TLCD4: variants seen among roughly 807,000 people sequenced by gnomAD.
The protein encoded by TLCD4 is TLC domain-containing protein 4.
Under a neutral mutation model 24.2 loss-of-function variants are expected in TLCD4, and 7 were observed. That is an observed-to-expected ratio of 0.29 (90% CI 0.16 to 0.54). The LOEUF (loss-of-function observed/expected upper bound fraction) is 0.54. Ranked by LOEUF, TLCD4 falls within the 20% of genes least tolerant of loss-of-function variation. The pLI is 0.95. For missense variants in TLCD4, 259 were observed against 313.9 expected, an observed-to-expected ratio of 0.82 and a Z score of 1.32; for synonymous variants, 103 against 106.4, an observed-to-expected ratio of 0.97 and a Z score of 0.20.
chr1:95,188,740 T>C (rs1178748827), intron 6 of TLCD4, among the ~76,000 whole-genome samples: 2 of 152,194 alleles, frequency 1.3e-5, no homozygotes, highest in Non-Finnish European at 2.9e-5. Flanking sequence ...TTTGAGCACT[T>C]TCTTGCTCTC....
At chr1:95,151,794 A>G (rs1255086973) in intron 5 of TLCD4, among the ~76,000 whole-genome samples, 3 of 152,174 alleles carry the variant, frequency 2.0e-5, no homozygotes, top group Non-Finnish European at 4.4e-5. Flanking sequence ...GTTTAATTCC[A>G]TGTGCAATTA....
rs181396102 is a variant in TLCD4 at position 95,169,997 on chromosome 1, A to G, written c.400-3819A>G. ...ATTTGATCTTATCTTTGGAAAAACT[A>G]TTTATTTGAAGGATACAGTAAGAAA... On this transcript the variant is annotated intron_variant, in intron 5 of 6. Transcript: ENST00000370203. Among the ~76,000 whole-genome samples, 71 of 152,348 alleles carry G rather than the reference A, an allele frequency of 4.7e-4. 1 individual carries two copies. The highest frequency in any genetic ancestry group is 5.8e-4 in the East Asian group (3 of 5,194).
intron 1 of TLCD4, among the ~76,000 whole-genome samples, chr1:95,139,023 A>C (rs1557681732): frequency 7.6e-6 from 1 of 131,408 alleles, no homozygotes; most frequent in East Asian, 2.2e-4. Context: ...CCCAGTCTCT[A>C]CAAAAAAAAA....
upstream of TLCD4, among the ~76,000 whole-genome samples, chr1:95,115,335 C>A (rs977734219): frequency 2.0e-5 from 3 of 152,002 alleles, no homozygotes; most frequent in Non-Finnish European, 4.4e-5. Flanking sequence ...CTCGAACTCT[C>A]AACCTCAGGT....
intron 1 of TLCD4, among the ~76,000 whole-genome samples, chr1:95,141,591 C>T (rs1677198534): frequency 6.6e-6 from 1 of 152,022 alleles, no homozygotes; most frequent in Non-Finnish European, 1.5e-5. Flanking sequence ...TCCTTACATC[C>T]CACTTAGCAA....
Position 95,194,178 on chromosome 1 carries a change from A to C in TLCD4, c.*2310A>C, listed in dbSNP as rs1312755888. The C allele has an allele frequency of 6.6e-6, 1 of 152,086 alleles. No homozygotes were observed. Among genetic ancestry groups the C allele is most frequent in the Admixed American group, 6.5e-5 (1 of 15,272 alleles). The allele number at this position is 152,086 out of a possible 1,614,324, so 9.4% of individuals were successfully genotyped here. A position where few individuals can be genotyped will look rare whatever the true frequency, so the allele number is the denominator to read the frequency against. Reference sequence around the variant, plus strand: ...TAAATAAGTATATTTAAAACATCAAAATTTTGAACTAAAGTTTGTGATTCT... The same window carrying C: ...TAAATAAGTATATTTAAAACATCAACATTTTGAACTAAAGTTTGTGATTCT... On this transcript the variant is annotated 3_prime_UTR_variant, in exon 7 of 7. Transcript: ENST00000370203.
intron 1 of TLCD4, among the ~76,000 whole-genome samples, chr1:95,137,004 T>C (rs1259167153): frequency 1.3e-5 from 2 of 151,852 alleles, no homozygotes; most frequent in African/African-American, 4.8e-5. Flanking sequence ...GGCTGGTACA[T>C]GGCGGGTGGT....
intron 5 of TLCD4, 37 bp downstream of exon 5, chr1:95,151,456 C>A: frequency 6.3e-7 from 1 of 1,597,402 alleles, no homozygotes; most frequent in South Asian, 1.1e-5. Flanking sequence ...AACTAGCAGA[C>A]AAGATTGGGA....
In TLCD4 at chr1:95,151,480, G is replaced by T. The variant is rs1677488951; in HGVS notation, c.399+61G>T. On this transcript the variant is annotated intron_variant, in intron 5 of 6. Transcript: ENST00000370203. Reference sequence around the variant, plus strand: ...ACAAGATTGGGAATAGTGATGTAAAGGTGAACATAAATCTAAACATACAAT... The same window carrying T: ...ACAAGATTGGGAATAGTGATGTAAATGTGAACATAAATCTAAACATACAAT... 2.6e-6 allele frequency: 4 copies of T among 1,559,026 alleles called. No individual in the cohort carries two copies. The South Asian group carries it at 4.7e-5, about 18-fold the overall frequency.
intron 1 of TLCD4, chr1:95,121,216 T>C (rs1332601434): frequency 6.6e-6 from 1 of 152,224 alleles, no homozygotes; most frequent in Non-Finnish European, 1.5e-5. Flanking sequence ...AGTAAGATTT[T>C]CGTCTGTACG....
At chr1:95,134,836 A>C (rs1215175468) in intron 1 of TLCD4, among the ~76,000 whole-genome samples, 1 of 152,196 alleles carries the variant, frequency 6.6e-6, no homozygotes, top group Non-Finnish European at 1.5e-5. Context: ...GTAGAAGCAG[A>C]GACTAGGTGC....
At chr1:95,172,257 G>C (rs539735446) in intron 5 of TLCD4, among the ~76,000 whole-genome samples, 8 of 152,306 alleles carry the variant, frequency 5.3e-5, no homozygotes, top group Non-Finnish European at 1.0e-4. Flanking sequence ...AGGAGACTGT[G>C]TCTCTCAAGT....
At chr1:95,146,213 A>G (rs1677343383) in intron 2 of TLCD4, among the ~76,000 whole-genome samples, 1 of 152,062 alleles carries the variant, frequency 6.6e-6, no homozygotes, top group Non-Finnish European at 1.5e-5. Flanking sequence ...TTGAGAGACA[A>G]CAGTTTAGTT....
intron 6 of TLCD4, among the ~76,000 whole-genome samples, chr1:95,188,389 G>GAAAAAAAAAAAA (rs60956010): frequency 9.6e-6 from 1 of 104,552 alleles, no homozygotes; most frequent in Non-Finnish European, 1.8e-5. Flanking sequence ...CTCCGTCTCA[G>GAAAAAAAAAAAA]AAAAAAAAAA....
At chr1:95,135,998 AG>A (rs1430622031) in intron 1 of TLCD4, among the ~76,000 whole-genome samples, 1 of 151,554 alleles carries the variant, frequency 6.6e-6, no homozygotes, top group Non-Finnish European at 1.5e-5. Flanking sequence ...CTGGGATTAC[AG>A]GCATGACCCA....
chr1:95,105,893 T>TCAAAAAAAAAAAAAA, the TLCD4 span, among the ~76,000 whole-genome samples: 108 of 102,840 alleles, frequency 1.1e-3, 16 homozygotes, highest in Non-Finnish European at 1.1e-3. Context: ...AGACTCCGTC[T>TCAAAAAAAAAAAAAA]TAAAAAAAAA....
chr1:95,105,156 A>G, the TLCD4 span, among the ~76,000 whole-genome samples: 338 of 152,316 alleles, frequency 2.2e-3, no homozygotes, highest in African/African-American at 7.7e-3. Context: ...ATTGTACCAC[A>G]TATCACCAGC....
At chr1:95,146,415 A>G (rs945672362) in intron 2 of TLCD4, among the ~76,000 whole-genome samples, 2 of 152,148 alleles carry the variant, frequency 1.3e-5, no homozygotes, top group Non-Finnish European at 2.9e-5. Context: ...GCTGAGTTAT[A>G]TAATTTCTGT....
intron 6 of TLCD4, among the ~76,000 whole-genome samples, chr1:95,185,238 AC>A (rs1678791058): frequency 2.6e-5 from 4 of 152,166 alleles, no homozygotes. Flanking sequence ...GGAATTGAGC[AC>A]GTTGGTAAAA....
Sources: gnomAD v4.1 joint callset for allele counts (sites outside exome capture counted in the v4.1 genomes callset) on GRCh38, gnomAD v4.1.1 for gene constraint, MANE v1.5 for transcripts, NCBI Gene and HGNC (gene_info 2026-07-23, HGNC 2026-07-21) for gene names.